The following TTF2 variants were observed in gnomAD, a reference collection of about 807,000 sequenced individuals.
TTF2 encodes the protein transcription termination factor 2.
TTF2 carries 108 observed loss-of-function variants against 142.4 expected under a neutral mutation model. That is an observed-to-expected ratio of 0.76 (90% CI 0.65 to 0.89). TTF2 has a LOEUF of 0.89. Among genes scored for constraint, TTF2 ranks in the 40% least tolerant of loss-of-function variants. The probability of loss-of-function intolerance (pLI) is 0.00; values close to 1 mark genes in which losing one functional copy is unlikely to be tolerated. For synonymous variants in TTF2, 483 were observed against 506.2 expected (o/e 0.95, Z 0.61); for missense variants, 1,327 against 1,379.8 (o/e 0.96, Z 0.61).
At position 117,092,919 on chromosome 1, in the gene TTF2, T is replaced by TTG; in HGVS notation, c.2976+18_2976+19insTG. 1 of 1,613,838 alleles carries TTG rather than the reference T, an allele frequency of 6.2e-7. No homozygotes were observed. The highest frequency in any genetic ancestry group is 8.5e-7 in the Non-Finnish European group (1 of 1,179,860). ...GCACCAAGGTACTTTTTGTCTCCTC[T>TTG]GTAGTAGTCGAGAGACTTCGATTCC... On this transcript the variant is annotated intron_variant, in intron 18 of 22. Transcript: ENST00000369466. This position sits in a 1 kb window ranked among gnomAD's most constrained non-coding sequence, Gnocchi z 4.4.
Position 117,097,720 on chromosome 1 carries a change from T to G in TTF2, c.3269+287T>G, listed in dbSNP as rs565893895. ...AAACGGGGAGCATAGCTTTTCCTCA[T>G]GGCTAAGAGTTAACCTTGCTCAGTT... On this transcript the variant is annotated intron_variant, in intron 21 of 22. Transcript: ENST00000369466. This position sits in a 1 kb window ranked among gnomAD's most constrained non-coding sequence, Gnocchi z 4.1. Among the ~76,000 whole-genome samples the G allele has an allele frequency of 2.2e-4, 34 of 152,332 alleles. No individual in the cohort carries two copies. The South Asian group carries it at 4.3e-3, about 19-fold the overall frequency.
At position 117,081,963 on chromosome 1, in the gene TTF2, T is replaced by G. The variant is rs529795395; in HGVS notation, c.1903+16T>G. 4 of 1,613,956 alleles carry G rather than the reference T, an allele frequency of 2.5e-6. No homozygotes were observed. In the African/African-American group the frequency reaches 5.3e-5, roughly 22 times the overall value. ...TCCAAAGATGGTAGACAGAAGTGCC[T>G]TAATAGCCTGCCATTCCCTACGTCA... is the stretch of plus-strand genomic sequence containing the variant. On this transcript the variant is annotated intron_variant, in intron 10 of 22. Transcript: ENST00000369466.
rs2101063968 is a variant in TTF2 at position 117,081,766 on chromosome 1, G to A, written c.1784-62G>A. ...ATGTCTGCCAGTGGTTTCTCCTCTT[G>A]AACTAGGGTTGATTATTTGCCCTAA... On this transcript the variant is annotated intron_variant, in intron 9 of 22. Coordinates refer to ENST00000369466, the MANE Select transcript of TTF2 (RefSeq NM_003594.4). 3 of 1,571,994 alleles carry A rather than the reference G, an allele frequency of 1.9e-6. No homozygotes were observed. In the South Asian group the frequency reaches 3.6e-5, roughly 19 times the overall value.
chr1:117,101,560 C>G lies in TTF2; in HGVS notation c.*36C>G. 2 of 1,530,496 alleles carry G rather than the reference C, an allele frequency of 1.3e-6. No individual in the cohort carries two copies. The highest frequency in any genetic ancestry group is 1.7e-6 in the Non-Finnish European group (2 of 1,146,614). The allele number at this position is 1,530,496 out of a possible 1,614,324, so 94.8% of individuals were successfully genotyped here. A position where few individuals can be genotyped will look rare whatever the true frequency, so the allele number is the denominator to read the frequency against. On this transcript the variant is annotated 3_prime_UTR_variant, in exon 23 of 23. Transcript: ENST00000369466. This position sits in a 1 kb window ranked among gnomAD's most constrained non-coding sequence, Gnocchi z 5.9. ...ATAAGGGCTCAGAATAGCACCATTG[C>G]TGGTTTGTATTAGGATCTGGGAATA...
chr1:117,100,201 G>C lies in TTF2; in HGVS notation c.3345-1179G>C, dbSNP rs1216766437. ...TTTCTCTTCCTATTATCTCAAATCT[G>C]CTATTCTTCTGTAGTCATTGTCTTT... On this transcript the variant is annotated intron_variant, in intron 22 of 22. Transcript: ENST00000369466. This position sits in a 1 kb window ranked among gnomAD's most constrained non-coding sequence, Gnocchi z 4.6. 6.6e-6 allele frequency among the ~76,000 whole-genome samples: 1 copy of C among 152,116 alleles called. No homozygotes were observed. The highest frequency in any genetic ancestry group is 1.5e-5 in the Non-Finnish European group (1 of 68,034).
Position 117,091,347 on chromosome 1 carries a change from C to G in TTF2, c.2608C>G (p.Leu870Val). 1.2e-6 allele frequency: 2 copies of G among 1,612,974 alleles called. No individual in the cohort carries two copies. The highest frequency in any genetic ancestry group is 1.1e-5 in the South Asian group (1 of 90,920). Residue 870 changes from leucine to valine, a missense_variant, in exon 16 of 23, where the codon CTA (leucine) becomes GTA (valine). By Grantham distance (32) the Leu-to-Val change is conservative. Transcript: ENST00000369466. Reference sequence around the variant, plus strand: ...AGGCAGGTCAGCTCTGCAATCCTATCTAAAAAGACATGAAAGTAGAGGCAA... The same window carrying G: ...AGGCAGGTCAGCTCTGCAATCCTATGTAAAAAGACATGAAAGTAGAGGCAA... ...ARSRSALQSY[L>V]KRHESRGNQS... is the part of the protein sequence containing the mutation.
chr1:117,081,697 C>T, intron 9 of TTF2, 131 bp from the exon 10 acceptor site: 1 of 1,113,910 alleles, frequency 9.0e-7, no homozygotes, highest in African/African-American at 1.6e-5. Flanking sequence ...TTAAGGTAGG[C>T]ACAGAGTAGT....
chr1:117,089,468 T>G (rs1287957038), intron 13 of TTF2, among the ~76,000 whole-genome samples: 4 of 151,970 alleles, frequency 2.6e-5, no homozygotes, highest in Non-Finnish European at 5.9e-5. Context: ...GTGGGAGGAT[T>G]GCTTGAAGCC....
chr1:117,065,243 C>T (rs971689968), intron 3 of TTF2, among the ~76,000 whole-genome samples: 1 of 152,164 alleles, frequency 6.6e-6, no homozygotes, highest in South Asian at 2.1e-4. Context: ...TGCATTGAAT[C>T]TATATAGATC....
rs1390457792 is a variant in TTF2 at position 117,086,017 on chromosome 1, C to T, written c.2055-400C>T. On this transcript the variant is annotated intron_variant, in intron 11 of 22. Coordinates refer to ENST00000369466, the MANE Select transcript of TTF2 (RefSeq NM_003594.4). This position sits in a 1 kb window ranked among gnomAD's most constrained non-coding sequence, Gnocchi z 4.2. ...GACTTTGGTGTCATCCATCTCAAAT[C>T]ATTATTAAATGTTAATTCCCAACTC... is the stretch of plus-strand genomic sequence containing the variant. Among the ~76,000 whole-genome samples the T allele has an allele frequency of 2.0e-5, 3 of 152,194 alleles. No homozygotes were observed. Among genetic ancestry groups the T allele is most frequent in the Admixed American group, 2.0e-4 (3 of 15,278 alleles).
In TTF2 at chr1:117,087,218, A is replaced by G. The variant is rs1648094559; in HGVS notation, c.2160+696A>G. On this transcript the variant is annotated intron_variant, in intron 12 of 22. Coordinates refer to ENST00000369466, the MANE Select transcript of TTF2 (RefSeq NM_003594.4). The surrounding 1 kb of genome is among the most constrained non-coding windows in gnomAD (Gnocchi z 4.8). ...ACCAACTCTGACTTATAGATGATGA[A>G]CTTTTCAGATTGCTCACTGGTTTTC... Among the ~76,000 whole-genome samples the G allele has an allele frequency of 1.3e-5, 2 of 152,212 alleles. No individual in the cohort carries two copies. Among genetic ancestry groups the G allele is most frequent in the Admixed American group, 1.3e-4 (2 of 15,276 alleles).
rs758288576 is a variant in TTF2, at chr1:117,060,570, C to T, written c.131+13C>T. On this transcript the variant is annotated intron_variant, in intron 2 of 22. Transcript: ENST00000369466. ...TGCGGGCCACCGAGTAGGTCTGGAG[C>T]TGGGCCCCACTCCCTGTGGCTGCCC... 1 of 1,592,228 alleles carries T rather than the reference C, an allele frequency of 6.3e-7. No individual in the cohort carries two copies. Among genetic ancestry groups the T allele is most frequent in the African/African-American group, 1.3e-5 (1 of 74,316 alleles).
At position 117,075,484 on chromosome 1, in the gene TTF2, C is replaced by A; in HGVS notation, c.900C>A (p.Ser300Arg). The change falls in exon 5 of 23, where the codon AGC becomes AGA. Residue 300 changes from serine (S) to arginine (R), a missense_variant. Ser to Arg is a moderately radical substitution (Grantham distance 110). Transcript: ENST00000369466. This position sits in a 1 kb window ranked among gnomAD's most constrained non-coding sequence, Gnocchi z 4.5. ...AAACAAAGGCAAAGGATGGCCCTAG[C>A]ATACAGGCCACCCAGAAAAGCCTGC... ...AKETKAKDGP[S>R]IQATQKSLPQ... The A allele has an allele frequency of 6.2e-7, 1 of 1,614,136 alleles. No individual in the cohort carries two copies. Among genetic ancestry groups the A allele is most frequent in the Non-Finnish European group, 8.5e-7 (1 of 1,180,000 alleles).
In TTF2 at chr1:117,099,410, A is replaced by C. The variant is rs998325333; in HGVS notation, c.3344+503A>C. Among the ~76,000 whole-genome samples the C allele has an allele frequency of 6.6e-6, 1 of 152,182 alleles. No homozygotes were observed. The highest frequency in any genetic ancestry group is 1.5e-5 in the Non-Finnish European group (1 of 68,028). On this transcript the variant is annotated intron_variant, in intron 22 of 22. Coordinates refer to ENST00000369466, the MANE Select transcript of TTF2 (RefSeq NM_003594.4). This position sits in a 1 kb window ranked among gnomAD's most constrained non-coding sequence, Gnocchi z 4.3. ...AAATCATCAAAATCAGGTTATTAAA[A>C]TTAATAAAACACTATTATCTGATCT...
rs1378327182 is a variant in TTF2, at chr1:117,090,082, G to A, written c.2370G>A (p.Glu790=). ...LKFLRCSPFD[E]FNLWRSQVDN... ...TTCTCCGTTGCTCTCCATTTGATGA[G>A]TTCAATCTGTGGAGGAGTCAGGTTG... Residue 790 remains glutamate (E), a synonymous_variant, in exon 14 of 23, where the codon GAG becomes GAA. Transcript: ENST00000369466. The surrounding 1 kb of genome is among the most constrained non-coding windows in gnomAD (Gnocchi z 4.8). 6.2e-7 allele frequency: 1 copy of A among 1,613,938 alleles called. No individual in the cohort carries two copies.
intron 3 of TTF2, among the ~76,000 whole-genome samples, chr1:117,071,824 A>T (rs893721184): frequency 1.3e-5 from 2 of 152,120 alleles, no homozygotes; most frequent in Non-Finnish European, 2.9e-5. Flanking sequence ...ACAGTCAGCT[A>T]TATTTTATAG....
intron 10 of TTF2, among the ~76,000 whole-genome samples, chr1:117,082,646 T>C (rs112007588): frequency 1.5e-3 from 235 of 152,312 alleles, no homozygotes; most frequent in African/African-American, 5.5e-3. Flanking sequence ...TTTCTGAAAT[T>C]CTAGAAGTTC....
rs1411423931 is a variant in TTF2 at position 117,095,357 on chromosome 1, T to C, written c.3025T>C (p.Ser1009Pro). ...ELEAIQRNSA[S>P]QKSVIVSQWT... is the part of the protein sequence containing the mutation. ...GGAGGCAATTCAAAGAAATTCAGCATCCCAAAAGAGGTAACTGCGTTTTCT... is the reference window on the plus strand; with the variant it reads ...GGAGGCAATTCAAAGAAATTCAGCACCCCAAAAGAGGTAACTGCGTTTTCT... Residue 1009 changes from serine (S) to proline (P), a missense_variant, in exon 19 of 23, where the codon TCC (serine) becomes CCC (proline). Physicochemically the swap from Ser to Pro is moderately conservative, Grantham distance 74. Coordinates refer to ENST00000369466, the MANE Select transcript of TTF2 (RefSeq NM_003594.4). The C allele has an allele frequency of 6.2e-7, 1 of 1,614,036 alleles. No homozygotes were observed. Among genetic ancestry groups the C allele is most frequent in the African/African-American group, 1.3e-5 (1 of 74,916 alleles).
At chr1:117,068,847 G>C (rs1001606428) in intron 3 of TTF2, among the ~76,000 whole-genome samples, 2 of 152,208 alleles carry the variant, frequency 1.3e-5, no homozygotes, top group Non-Finnish European at 2.9e-5. Flanking sequence ...GCACTGCACT[G>C]TGCAGTGCGA....
Sources: allele counts gnomAD v4.1 joint callset (sites outside exome capture counted in the v4.1 genomes callset), GRCh38; gene constraint gnomAD v4.1.1; non-coding constraint Gnocchi (gnomAD v3.1); transcripts MANE v1.5; gene names NCBI Gene and HGNC (gene_info 2026-07-23, HGNC 2026-07-21).